MRTFB: variants seen among roughly 807,000 people sequenced by gnomAD.
MRTFB encodes myocardin-related transcription factor B.
A neutral mutation model predicts 104.2 loss-of-function variants in MRTFB; 29 were observed. The observed-to-expected ratio is 0.28, with a 90% CI of 0.21 to 0.38. The LOEUF is 0.38. Ranked by LOEUF, MRTFB falls within the 10% of genes least tolerant of loss-of-function variation. The pLI is 1.00. For missense variants in MRTFB, 1,270 were observed against 1,341.6 expected (o/e 0.95, Z 0.83); for synonymous variants, 535 against 519.5 (o/e 1.03, Z -0.41).
intron 2 of MRTFB, among the ~76,000 whole-genome samples, chr16:14,099,140 T>C (rs1342517256): frequency 1.3e-5 from 2 of 152,200 alleles, no homozygotes; most frequent in Admixed American, 1.3e-4. Flanking sequence ...GACTGAGATA[T>C]TGATAGTCAG....
At chr16:14,139,813 C>T (rs895031121) in intron 2 of MRTFB, among the ~76,000 whole-genome samples, 1 of 152,186 alleles carries the variant, frequency 6.6e-6, no homozygotes, top group Non-Finnish European at 1.5e-5. Flanking sequence ...AGAATTTTAT[C>T]GAATGTTTTG....
intron 2 of MRTFB, among the ~76,000 whole-genome samples, chr16:14,090,789 GTAGA>G (rs2035009087): frequency 6.6e-6 from 1 of 151,994 alleles, no homozygotes; most frequent in African/African-American, 2.4e-5. Context: ...ATAATAAAAT[GTAGA>G]TAGAGGTGTG....
At chr16:14,220,609 G>A (rs1172505603) in intron 8 of MRTFB, among the ~76,000 whole-genome samples, 2 of 152,154 alleles carry the variant, frequency 1.3e-5, no homozygotes, top group East Asian at 1.9e-4. Context: ...AAGGAAAATA[G>A]TAATAACAGT....
At chr16:14,244,254 G>A (rs536508026) in intron 10 of MRTFB, among the ~76,000 whole-genome samples, 5 of 152,014 alleles carry the variant, frequency 3.3e-5, no homozygotes, top group Non-Finnish European at 2.9e-5. Context: ...TTAATATTTC[G>A]TGACTGACTA....
At chr16:14,109,062 C>T (rs559301403) in intron 2 of MRTFB, among the ~76,000 whole-genome samples, 1 of 152,242 alleles carries the variant, frequency 6.6e-6, no homozygotes, top group East Asian at 1.9e-4. Flanking sequence ...AGAAATTGAT[C>T]TTTAAAGGAT....
the MRTFB span, among the ~76,000 whole-genome samples, chr16:14,022,842 G>A: frequency 6.8e-6 from 1 of 147,622 alleles, no homozygotes; most frequent in African/African-American, 2.5e-5. Flanking sequence ...GATTACAGGC[G>A]CCTGCAACCA....
At chr16:14,257,419 C>G (rs1023366491) in intron 15 of MRTFB, among the ~76,000 whole-genome samples, 1 of 152,100 alleles carries the variant, frequency 6.6e-6, no homozygotes, top group Non-Finnish European at 1.5e-5. Context: ...AAAAAATTAA[C>G]TGTTCCTGAG....
chr16:14,178,998 C>G (rs988391036), intron 3 of MRTFB, among the ~76,000 whole-genome samples: 31 of 152,180 alleles, frequency 2.0e-4, no homozygotes. Context: ...CCACCTTAGC[C>G]TCCCAAAGTG....
At chr16:14,117,525 A>T (rs530718948) in intron 2 of MRTFB, among the ~76,000 whole-genome samples, 1 of 152,238 alleles carries the variant, frequency 6.6e-6, no homozygotes, top group Non-Finnish European at 1.5e-5. Flanking sequence ...ACTAAGTTCA[A>T]TGGAGAAAGG....
the MRTFB span, among the ~76,000 whole-genome samples, chr16:14,036,644 TG>T: frequency 6.6e-6 from 1 of 151,500 alleles, no homozygotes; most frequent in Non-Finnish European, 1.5e-5. Flanking sequence ...ATCATATATA[TG>T]TTGAAATATA....
At position 14,263,840 on chromosome 16, in the gene MRTFB, TG is replaced by T. The variant is rs986296630; in HGVS notation, c.*2397del. ...CATTAACTCTGCAAGCCACTCCACT[TG>T]CACCATTCCGCTTGACCCTCCTCTC... On this transcript the variant is annotated 3_prime_UTR_variant, in exon 17 of 17. Coordinates refer to ENST00000571589, the MANE Select transcript of MRTFB (RefSeq NM_001308142.2). 1 of 152,232 alleles carries T rather than the reference TG, an allele frequency of 6.6e-6. No homozygotes were observed. Among genetic ancestry groups the T allele is most frequent in the African/African-American group, 2.4e-5 (1 of 41,454 alleles). The allele number at this position is 152,232 out of a possible 1,614,324, so 9.4% of individuals were successfully genotyped here. A position where few individuals can be genotyped will look rare whatever the true frequency, so the allele number is the denominator to read the frequency against.
chr16:14,179,955 A>G (rs1330398997), intron 3 of MRTFB, among the ~76,000 whole-genome samples: 1 of 152,224 alleles, frequency 6.6e-6, no homozygotes, highest in Non-Finnish European at 1.5e-5. Flanking sequence ...TGTTGAACAG[A>G]GTGCAGATTA....
At chr16:14,243,328 T>C (rs1450500187) in intron 10 of MRTFB, among the ~76,000 whole-genome samples, 1 of 152,196 alleles carries the variant, frequency 6.6e-6, no homozygotes, top group Non-Finnish European at 1.5e-5. Context: ...CAGCATTGGC[T>C]TCAACCACAG....
At chr16:14,203,630 C>T (rs1021382482) in intron 3 of MRTFB, among the ~76,000 whole-genome samples, 5 of 151,704 alleles carry the variant, frequency 3.3e-5, no homozygotes, top group African/African-American at 9.7e-5. Flanking sequence ...AGGAAAACCC[C>T]GTCTCTATTA....
intron 3 of MRTFB, among the ~76,000 whole-genome samples, chr16:14,154,975 A>T (rs1268262876): frequency 6.6e-6 from 1 of 152,214 alleles, no homozygotes; most frequent in South Asian, 2.1e-4. Flanking sequence ...AATTACTCTA[A>T]GGGAGAGGAT....
At chr16:14,219,072 CT>C (rs994352056) in intron 8 of MRTFB, 74 bp downstream of exon 8, 1 of 1,332,750 alleles carries the variant, frequency 7.5e-7, no homozygotes, top group South Asian at 2.0e-5. Context: ...AGGTAATACA[CT>C]TTGACCAGAA....
At chr16:14,072,276 C>G (rs2033752224) in intron 1 of MRTFB, among the ~76,000 whole-genome samples, 2 of 152,156 alleles carry the variant, frequency 1.3e-5, no homozygotes, top group South Asian at 4.1e-4. Context: ...ATGTGACCTC[C>G]CTACACACAT....
intron 2 of MRTFB, among the ~76,000 whole-genome samples, chr16:14,115,148 C>T (rs1424357607): frequency 6.6e-6 from 1 of 152,192 alleles, no homozygotes; most frequent in Non-Finnish European, 1.5e-5. Context: ...AAGTCCTTTT[C>T]AGCACCACGC....
the MRTFB span, among the ~76,000 whole-genome samples, chr16:14,051,586 G>A: frequency 5.1e-4 from 77 of 150,958 alleles, no homozygotes; most frequent in African/African-American, 1.7e-3. Flanking sequence ...ACACACACAC[G>A]CATATGCACT....
Sources: allele counts gnomAD v4.1 joint callset (sites outside exome capture counted in the v4.1 genomes callset), GRCh38; gene constraint gnomAD v4.1.1; transcripts MANE v1.5; gene names NCBI Gene and HGNC (gene_info 2026-07-23, HGNC 2026-07-21).